The following PYGB variants were observed in gnomAD, a reference collection of about 807,000 sequenced individuals.
PYGB encodes glycogen phosphorylase B.
Under a neutral mutation model 94.3 loss-of-function variants are expected in PYGB, and 82 were observed. The observed-to-expected ratio is 0.87, with a 90% CI of 0.73 to 1.04. The LOEUF is 1.04. Ranked by LOEUF, PYGB falls within the 50% of genes least tolerant of loss-of-function variation. PYGB has a pLI of 0.00. For missense variants in PYGB, 1,132 were observed against 1,158.2 expected (o/e 0.98, Z 0.33); for synonymous variants, 488 against 479.1 (o/e 1.02, Z -0.24).
chr20:25,265,888 C>T (rs1338174705), intron 2 of PYGB, among the ~76,000 whole-genome samples: 1 of 152,196 alleles, frequency 6.6e-6, no homozygotes. Context: ...AGCCACCATG[C>T]CCGGCCGATT....
At position 25,277,299 on chromosome 20, in the gene PYGB, C is replaced by T. The variant is rs556334055; in HGVS notation, c.828C>T (p.Ile276=). ...AVLDRNLAEN[I]SRVLYPNDNF... Reference sequence around the variant, plus strand: ...TGGACCGGAACTTGGCTGAGAACATCTCCAGGGTCCTGTATCCAAATGATA... The same window carrying T: ...TGGACCGGAACTTGGCTGAGAACATTTCCAGGGTCCTGTATCCAAATGATA... The change falls in exon 7 of 20, where the codon ATC becomes ATT. Residue 276 remains isoleucine (I), a synonymous_variant. Transcript: ENST00000216962. 2 of 1,576,986 alleles carry T rather than the reference C, an allele frequency of 1.3e-6. No homozygotes were observed. The highest frequency in any genetic ancestry group is 1.7e-6 in the Non-Finnish European group (2 of 1,146,264).
At chr20:25,278,912 C>T in intron 8 of PYGB, 145 bp from the exon 9 acceptor site, 3 of 749,366 alleles carry the variant, frequency 4.0e-6, no homozygotes, top group South Asian at 3.5e-5. Context: ...CTGCTCCCTC[C>T]ACAGAACCCC....
At chr20:25,286,408 C>T (rs528843843) in intron 14 of PYGB, among the ~76,000 whole-genome samples, 5 of 152,242 alleles carry the variant, frequency 3.3e-5, no homozygotes, top group Admixed American at 6.5e-5. Context: ...CTGCTCTCTG[C>T]CCCCCTCCCT....
intron 1 of PYGB, among the ~76,000 whole-genome samples, chr20:25,255,593 G>A (rs1485922471): frequency 2.6e-5 from 4 of 152,240 alleles, no homozygotes; most frequent in African/African-American, 9.6e-5. Flanking sequence ...AGGGCGGCTG[G>A]TCTGAGGCAT....
chr20:25,265,656 G>A (rs1043883355), intron 2 of PYGB, among the ~76,000 whole-genome samples: 11 of 148,180 alleles, frequency 7.4e-5, no homozygotes, highest in Admixed American at 1.4e-4. Flanking sequence ...GGGCAGTGGC[G>A]TGATCTCGGC....
chr20:25,296,349 ATTTC>A lies in PYGB; in HGVS notation c.2380-20_2380-17del, dbSNP rs753257835. On this transcript the variant is annotated splice_polypyrimidine_tract_variant and intron_variant, in intron 19 of 19. Coordinates refer to ENST00000216962, the MANE Select transcript of PYGB (RefSeq NM_002862.4). Reference sequence around the variant, plus strand: ...CCAAGCCCTGTGACGCCAGAGACTAATTTCATCTCCTTCCCTGCAGAACCCCAAG... The same window carrying A: ...CCAAGCCCTGTGACGCCAGAGACTAAATCTCCTTCCCTGCAGAACCCCAAG... 2 of 1,613,840 alleles carry A rather than the reference ATTTC, an allele frequency of 1.2e-6. No homozygotes were observed. The highest frequency in any genetic ancestry group is 1.7e-6 in the Non-Finnish European group (2 of 1,179,874).
In PYGB at chr20:25,274,618, C is replaced by G. The variant is rs771236699; in HGVS notation, c.555C>G (p.Arg185=). The change falls in exon 5 of 20, where the codon CGC becomes CGG. Residue 185 remains arginine, a synonymous_variant. Transcript: ENST00000216962. ...WQVEEADDWL[R]YGNPWEKARP... ...TAGAGGAGGCCGATGACTGGCTGCG[C>G]TACGGCAACCCCTGGGAGAAAGCGC... 4 of 1,613,598 alleles carry G rather than the reference C, an allele frequency of 2.5e-6. No individual in the cohort carries two copies. The Admixed American group carries it at 6.7e-5, about 27-fold the overall frequency.
intron 5 of PYGB, 63 bp downstream of exon 5, chr20:25,274,786 T>C: frequency 6.4e-7 from 1 of 1,568,320 alleles, no homozygotes; most frequent in Non-Finnish European, 8.6e-7. Context: ...CTGCGGCTCA[T>C]TTGTAGACAG....
At chr20:25,292,699 C>T (rs1169361688) in intron 17 of PYGB, 86 bp downstream of exon 17, 37 of 1,476,444 alleles carry the variant, frequency 2.5e-5, no homozygotes, top group Middle Eastern at 3.5e-4. Context: ...GGACTGGGCT[C>T]TTGGGGCCAG....
At chr20:25,276,594 G>A (rs369514507) in intron 5 of PYGB, 52 bp from the exon 6 acceptor site, 15 of 1,498,394 alleles carry the variant, frequency 1.0e-5, no homozygotes, top group Middle Eastern at 2.0e-4. Flanking sequence ...GAGGCACAGG[G>A]GCCGGCGGGG....
intron 1 of PYGB, among the ~76,000 whole-genome samples, chr20:25,258,208 C>G (rs1171694995): frequency 6.6e-6 from 1 of 152,164 alleles, no homozygotes; most frequent in Non-Finnish European, 1.5e-5. Context: ...GTATTAAAAA[C>G]TTTATGGACC....
chr20:25,274,823 T>A (rs947130402), intron 5 of PYGB, 100 bp downstream of exon 5: 2 of 1,489,610 alleles, frequency 1.3e-6, no homozygotes, highest in East Asian at 4.6e-5. Flanking sequence ...TTGGGGGGCT[T>A]GCTGCCTCCC....
At chr20:25,260,398 A>G (rs969862533) in intron 2 of PYGB, among the ~76,000 whole-genome samples, 5 of 152,230 alleles carry the variant, frequency 3.3e-5, no homozygotes, top group African/African-American at 1.2e-4. Flanking sequence ...CCTCATAAAC[A>G]TGCAATATGT....
At chr20:25,287,811 T>C (rs998150102) in intron 14 of PYGB, among the ~76,000 whole-genome samples, 25 of 152,020 alleles carry the variant, frequency 1.6e-4, no homozygotes, top group African/African-American at 6.0e-4. Flanking sequence ...GAAACCCTCA[T>C]CTCTACAAAA....
chr20:25,279,998 C>T (rs1365675115), intron 9 of PYGB, among the ~76,000 whole-genome samples: 2 of 152,224 alleles, frequency 1.3e-5, no homozygotes, highest in Non-Finnish European at 2.9e-5. Flanking sequence ...CTCCAGGTAG[C>T]AGGCGATTGT....
intron 4 of PYGB, among the ~76,000 whole-genome samples, chr20:25,273,726 T>A (rs1236080518): frequency 2.0e-5 from 3 of 152,042 alleles, no homozygotes; most frequent in Non-Finnish European, 4.4e-5. Context: ...AGCTTCTTCT[T>A]GGAAGCCCTC....
At chr20:25,278,497 G>C (rs374504262) in intron 8 of PYGB, 35 bp downstream of exon 8, 9 of 1,610,244 alleles carry the variant, frequency 5.6e-6, no homozygotes, top group African/African-American at 2.7e-5. Flanking sequence ...CTCAGTGCCA[G>C]GGGCTGGGCG....
Position 25,280,385 on chromosome 20 carries a change from C to T in PYGB, c.1212C>T (p.Ile404=). ...TGCTGCCGCGGCACCTGGAGATAAT[C>T]TATGCCATCAACCAGCGGCACCTGG... ...EKLLPRHLEI[I]YAINQRHLDH... The change falls in exon 10 of 20, where the codon ATC becomes ATT. Residue 404 remains isoleucine (I), a synonymous_variant. Transcript: ENST00000216962. The T allele has an allele frequency of 6.2e-7, 1 of 1,614,180 alleles. No individual in the cohort carries two copies.
intron 7 of PYGB, 139 bp from the exon 8 acceptor site, chr20:25,278,180 G>T (rs998340939): frequency 1.0e-6 from 1 of 1,002,588 alleles, no homozygotes; most frequent in Non-Finnish European, 1.4e-6. Context: ...GGGCACACAG[G>T]CAGGCCCCAG....
Sources: allele counts gnomAD v4.1 joint callset (sites outside exome capture counted in the v4.1 genomes callset), GRCh38; gene constraint gnomAD v4.1.1; transcripts MANE v1.5; gene names NCBI Gene and HGNC (gene_info 2026-07-23, HGNC 2026-07-21).